The following PEBP4 variants were observed in gnomAD, a reference collection of about 807,000 sequenced individuals.
The protein encoded by PEBP4 is phosphatidylethanolamine-binding protein 4.
In PEBP4, 22 loss-of-function variants were observed where a neutral mutation model predicts 23.9. The observed-to-expected ratio is 0.92, with a 90% CI of 0.66 to 1.31. The LOEUF is 1.31. Among genes scored for constraint, PEBP4 ranks in the 40% most tolerant of loss-of-function variants. The pLI is 0.00. For missense variants in PEBP4, 324 were observed against 281.7 expected, an observed-to-expected ratio of 1.15 and a Z score of -1.07; for synonymous variants, 112 against 99.3, an observed-to-expected ratio of 1.13 and a Z score of -0.76.
chr8:22,801,509 AGGGGAAAGTAGTT>A lies in PEBP4; in HGVS notation c.357+16115_357+16127del, dbSNP rs529801302. Among the ~76,000 whole-genome samples the A allele has an allele frequency of 4.6e-3, 699 of 152,180 alleles. 7 individuals carry two copies. Among genetic ancestry groups the A allele is most frequent in the African/African-American group, 0.016 (665 of 41,506 alleles). On this transcript the variant is annotated intron_variant, in intron 4 of 6. Coordinates refer to ENST00000256404, the MANE Select transcript of PEBP4 (RefSeq NM_144962.3). The stretch of plus-strand genomic sequence containing the variant: ...GACAGGAAGATGCATGCAGAAACAG[AGGGGAAAGTAGTT>A]GGGGAAAGGGTGAGGGGTAGCGTCA...
At chr8:22,795,180 T>TACA in intron 4 of PEBP4, among the ~76,000 whole-genome samples, 1 of 103,756 alleles carries the variant, frequency 9.6e-6, no homozygotes, top group Non-Finnish European at 1.9e-5. Flanking sequence ...TTTTTTTTTT[T>TACA]TTTTTTTTTT....
chr8:22,725,068 C>T (rs906638639), intron 5 of PEBP4, 112 bp from the exon 6 acceptor site: 26 of 710,694 alleles, frequency 3.7e-5, no homozygotes, highest in African/African-American at 8.9e-5. Context: ...GATCAGCACT[C>T]GGCCCTGCAA....
chr8:22,819,004 T>A (rs185921638), intron 3 of PEBP4, among the ~76,000 whole-genome samples: 3 of 152,232 alleles, frequency 2.0e-5, no homozygotes, highest in Admixed American at 2.0e-4. Context: ...GAGTTCTGGT[T>A]TAGATATCTT....
chr8:22,739,902 G>A (rs1176928827), intron 4 of PEBP4, among the ~76,000 whole-genome samples: 1 of 152,202 alleles, frequency 6.6e-6, no homozygotes, highest in Non-Finnish European at 1.5e-5. Flanking sequence ...TGGGCTGGGG[G>A]GATGGAGGGG....
rs189135137 is a variant in PEBP4 at position 22,921,347 on chromosome 8, C to T, written c.132-1037G>A. 9.2e-5 allele frequency among the ~76,000 whole-genome samples: 14 copies of T among 152,318 alleles called. No homozygotes were observed. In the East Asian group the frequency reaches 9.6e-4, roughly 10 times the overall value. On this transcript the variant is annotated intron_variant, in intron 2 of 6. Transcript: ENST00000256404. ...AGGGCTAAGCCGCTCTACAGCCTGC[C>T]GGTAGCCACCCACAGCGGTCCACAG...
intron 4 of PEBP4, among the ~76,000 whole-genome samples, chr8:22,794,672 T>C (rs933759043): frequency 6.6e-6 from 1 of 152,194 alleles, no homozygotes; most frequent in Non-Finnish European, 1.5e-5. Context: ...TTTTTTTCAA[T>C]GTGCTGCTTG....
intron 3 of PEBP4, among the ~76,000 whole-genome samples, chr8:22,903,923 G>T (rs751942118): frequency 6.6e-6 from 1 of 152,200 alleles, no homozygotes. Context: ...AATGGTCAAG[G>T]CTCCAGCTGG....
intron 4 of PEBP4, among the ~76,000 whole-genome samples, chr8:22,791,732 T>G (rs541788575): frequency 7.9e-4 from 120 of 152,360 alleles, no homozygotes; most frequent in African/African-American, 2.9e-3. Context: ...TTATCATATT[T>G]AATTTATTCA....
chr8:22,888,846 G>A (rs551462904), intron 3 of PEBP4, among the ~76,000 whole-genome samples: 1 of 152,290 alleles, frequency 6.6e-6, no homozygotes, highest in East Asian at 1.9e-4. Flanking sequence ...GCTGGGCTCA[G>A]GATTCTTACA....
At chr8:22,938,701 C>T (rs1425973795) in intron 1 of PEBP4, among the ~76,000 whole-genome samples, 3 of 151,610 alleles carry the variant, frequency 2.0e-5, no homozygotes, top group African/African-American at 7.3e-5. Flanking sequence ...GGTCACACTT[C>T]CCCCCCATTA....
intron 4 of PEBP4, among the ~76,000 whole-genome samples, chr8:22,783,996 T>C (rs1474922775): frequency 1.3e-5 from 2 of 152,196 alleles, no homozygotes; most frequent in African/African-American, 2.4e-5. Context: ...TTTGGAGTTA[T>C]AGCAGGAGGT....
At chr8:22,827,041 C>A (rs1358441441) in intron 3 of PEBP4, among the ~76,000 whole-genome samples, 1 of 152,116 alleles carries the variant, frequency 6.6e-6, no homozygotes, top group Admixed American at 6.5e-5. Context: ...TCAGAGAACC[C>A]TCATTCCACT....
chr8:22,817,625 TGGC>T lies in PEBP4; in HGVS notation c.357+9_357+11del, dbSNP rs1806771324. The T allele has an allele frequency of 1.2e-6, 2 of 1,611,018 alleles. No homozygotes were observed. The highest frequency in any genetic ancestry group is 1.3e-5 in the African/African-American group (1 of 74,870). ...CCCAAATGCGTCAGAGAGTGCCTCTTGGCCTGCTTACCTTGATATCTGTTACCA... is the reference window on the plus strand; with the variant it reads ...CCCAAATGCGTCAGAGAGTGCCTCTTCTGCTTACCTTGATATCTGTTACCA... On this transcript the variant is annotated intron_variant, in intron 4 of 6. Coordinates refer to ENST00000256404, the MANE Select transcript of PEBP4 (RefSeq NM_144962.3).
At chr8:22,839,774 T>C (rs1180952109) in intron 3 of PEBP4, among the ~76,000 whole-genome samples, 1 of 152,122 alleles carries the variant, frequency 6.6e-6, no homozygotes, top group Non-Finnish European at 1.5e-5. Flanking sequence ...TCCGGTTCCT[T>C]CCCTCCCACT....
intron 4 of PEBP4, among the ~76,000 whole-genome samples, chr8:22,789,468 TCA>T (rs565470500): frequency 4.1e-4 from 63 of 152,230 alleles, no homozygotes; most frequent in Admixed American, 2.9e-3. Flanking sequence ...TTGCCACCCC[TCA>T]GAGAGACCCC....
intron 4 of PEBP4, among the ~76,000 whole-genome samples, chr8:22,764,270 C>A (rs1358753748): frequency 6.6e-6 from 1 of 152,056 alleles, no homozygotes; most frequent in African/African-American, 2.4e-5. Flanking sequence ...ACACACACAC[C>A]CTCTATCCTG....
chr8:22,874,563 T>A (rs906629582), intron 3 of PEBP4, among the ~76,000 whole-genome samples: 3 of 152,180 alleles, frequency 2.0e-5, no homozygotes, highest in African/African-American at 7.2e-5. Flanking sequence ...TTCGTATTTC[T>A]ACGGCATATG....
At chr8:22,912,959 T>C (rs994758277) in intron 3 of PEBP4, among the ~76,000 whole-genome samples, 1 of 152,326 alleles carries the variant, frequency 6.6e-6, no homozygotes, top group South Asian at 2.1e-4. Context: ...GCCCTTCATT[T>C]ACAAGCTCAG....
At chr8:22,797,027 A>C (rs1806274986) in intron 4 of PEBP4, among the ~76,000 whole-genome samples, 1 of 151,958 alleles carries the variant, frequency 6.6e-6, no homozygotes, top group Non-Finnish European at 1.5e-5. Context: ...AGGCCAAGGC[A>C]GGTGGATCAC....
Sources: allele counts gnomAD v4.1 joint callset (sites outside exome capture counted in the v4.1 genomes callset), GRCh38; gene constraint gnomAD v4.1.1; transcripts MANE v1.5; gene names NCBI Gene and HGNC (gene_info 2026-07-23, HGNC 2026-07-21).